Variants in BOLL observed in about 807,000 individuals in gnomAD.
BOLL encodes the protein boule RNA binding protein, also known as protein boule-like.
A neutral mutation model predicts 44.4 loss-of-function variants in BOLL; 23 were observed. The ratio of observed to expected loss-of-function variants is 0.52; its 90% confidence interval spans 0.37 to 0.73. The LOEUF (loss-of-function observed/expected upper bound fraction) is 0.73. BOLL is among the 30% of genes least tolerant of loss of function. The probability of loss-of-function intolerance (pLI) is 0.00; values close to 1 mark genes in which losing one functional copy is unlikely to be tolerated. For missense variants in BOLL, 287 were observed against 338.3 expected, an observed-to-expected ratio of 0.85 and a Z score of 1.19; for synonymous variants, 97 against 110.8, an observed-to-expected ratio of 0.88 and a Z score of 0.78.
chr2:197,743,598 G>A (rs1048015862), intron 9 of BOLL, among the ~76,000 whole-genome samples: 1 of 152,118 alleles, frequency 6.6e-6, no homozygotes, highest in East Asian at 1.9e-4. Flanking sequence ...TCTAGTAGAC[G>A]TATACTGTTG....
chr2:197,738,314 A>G (rs575444629), intron 10 of BOLL, among the ~76,000 whole-genome samples: 3 of 152,242 alleles, frequency 2.0e-5, no homozygotes, highest in Non-Finnish European at 4.4e-5. Flanking sequence ...CTCCTGGCTC[A>G]AGTGATCCTC....
At chr2:197,784,429 T>C (rs1689958118) in intron 1 of BOLL, among the ~76,000 whole-genome samples, 1 of 98,228 alleles carries the variant, frequency 1.0e-5, no homozygotes, top group Admixed American at 1.0e-4. Context: ...TATATATATA[T>C]ATATATATAT....
rs1686938080 is a variant in BOLL at position 197,728,242 on chromosome 2, C to T, written c.*313G>A. The T allele has an allele frequency of 2.4e-6, 1 of 415,752 alleles. No individual in the cohort carries two copies. Among genetic ancestry groups the T allele is most frequent in the Admixed American group, 4.1e-5 (1 of 24,592 alleles). 25.8% of individuals were successfully genotyped at this position (415,752 alleles called of 1,614,324 possible). ...CACAAAGCAGAGAAAATAAAAGACA[C>T]CTCACTATTCCCAATGTGGTTATTA... On this transcript the variant is annotated 3_prime_UTR_variant, in exon 11 of 11. Coordinates refer to ENST00000392296, the MANE Select transcript of BOLL (RefSeq NM_033030.6).
chr2:197,776,975 TG>T, intron 4 of BOLL, 83 bp downstream of exon 4: 1 of 1,077,018 alleles, frequency 9.3e-7, no homozygotes, highest in Non-Finnish European at 1.3e-6. Context: ...AAAAAGCAGT[TG>T]ATTATTGTAT....
chr2:197,778,148 T>A (rs1362642983), intron 3 of BOLL, among the ~76,000 whole-genome samples: 1 of 151,936 alleles, frequency 6.6e-6, no homozygotes, highest in Non-Finnish European at 1.5e-5. Context: ...TGTTTGGCAT[T>A]CTGAGGAAGT....
At chr2:197,763,269 T>A (rs1688841976) in intron 7 of BOLL, among the ~76,000 whole-genome samples, 2 of 151,882 alleles carry the variant, frequency 1.3e-5, no homozygotes, top group Non-Finnish European at 2.9e-5. Flanking sequence ...GATCACGAGG[T>A]CAGGAGATCG....
chr2:197,742,882 TA>T (rs1410457285), intron 10 of BOLL, among the ~76,000 whole-genome samples, 178 bp downstream of exon 10: 6 of 152,012 alleles, frequency 3.9e-5, no homozygotes, highest in African/African-American at 1.2e-4. Context: ...CCACAATAAA[TA>T]AAAAAGTTAA....
rs188217488 is a variant in BOLL, at chr2:197,757,583, T to A, written c.553-183A>T. Among the ~76,000 whole-genome samples the A allele has an allele frequency of 4.5e-3, 684 of 151,992 alleles. 2 individuals are homozygous for A. Among genetic ancestry groups the A allele is most frequent in the Non-Finnish European group, 7.7e-3 (525 of 67,914 alleles). ...TAAATGTAAGAGCTAAAATTATACA[T>A]CTCTTAGAAAAAAACATAGGTGTAA... On this transcript the variant is annotated intron_variant, in intron 7 of 10. Coordinates refer to ENST00000392296, the MANE Select transcript of BOLL (RefSeq NM_033030.6).
At chr2:197,758,143 T>C (rs1688599941) in intron 7 of BOLL, among the ~76,000 whole-genome samples, 1 of 152,216 alleles carries the variant, frequency 6.6e-6, no homozygotes, top group Non-Finnish European at 1.5e-5. Flanking sequence ...GCAATTCCAC[T>C]CTAGTTATAA....
chr2:197,743,218 C>A, intron 9 of BOLL, 59 bp from the exon 10 acceptor site: 1 of 1,289,782 alleles, frequency 7.8e-7, no homozygotes, highest in Non-Finnish European at 1.1e-6. Flanking sequence ...TAAATATTTA[C>A]TCAGCATTTA....
intron 3 of BOLL, among the ~76,000 whole-genome samples, chr2:197,778,503 T>G (rs551181326): frequency 6.6e-6 from 1 of 152,018 alleles, no homozygotes; most frequent in East Asian, 1.9e-4. Context: ...ATCATTGATA[T>G]AGCAATTAAA....
Position 197,756,456 on chromosome 2 carries a change from A to C in BOLL, c.701T>G (p.Leu234Arg), listed in dbSNP as rs761963473. 3 of 1,611,606 alleles carry C rather than the reference A, an allele frequency of 1.9e-6. No individual in the cohort carries two copies. Among genetic ancestry groups the C allele is most frequent in the Non-Finnish European group, 1.7e-6 (2 of 1,178,466 alleles). ...TGGAACTGAAGTTTCCATCAGAGAC[A>C]GTGGAGGAGGAACACATCCACCATC... ...AQDGGCVPPP[L>R]SLMETSVPEP... Residue 234 changes from leucine to arginine, a missense_variant, in exon 9 of 11, where the codon CTG (leucine) becomes CGG (arginine). Coordinates refer to ENST00000392296, the MANE Select transcript of BOLL (RefSeq NM_033030.6).
chr2:197,753,125 C>T (rs1434400692), intron 9 of BOLL, among the ~76,000 whole-genome samples: 1 of 152,198 alleles, frequency 6.6e-6, no homozygotes, highest in Non-Finnish European at 1.5e-5. Flanking sequence ...AACTGGACCT[C>T]TTCCTTACAC....
intron 1 of BOLL, among the ~76,000 whole-genome samples, chr2:197,783,546 A>G (rs1022028039): frequency 2.0e-5 from 3 of 152,342 alleles, no homozygotes; most frequent in Middle Eastern, 3.4e-3. Context: ...ATCCAGCCTT[A>G]AGGAAGTATG....
rs551659947 is a variant in BOLL, at chr2:197,757,412, TAAAAG to T, written c.553-17_553-13del. 681 of 1,604,842 alleles carry T rather than the reference TAAAAG, an allele frequency of 4.2e-4. 1 individual carries two copies. Among genetic ancestry groups the T allele is most frequent in the Middle Eastern group, 4.1e-3 (24 of 5,882 alleles). On this transcript the variant is annotated splice_polypyrimidine_tract_variant and intron_variant, in intron 7 of 10. Transcript: ENST00000392296. ...TACTGTGTGGTGGCCTAAAATTAAA[TAAAAG>T]AAAAGAAAAACCCATTCTGATTATA...
At chr2:197,755,905 A>T (rs1421590022) in intron 9 of BOLL, 1 of 152,254 alleles carries the variant, frequency 6.6e-6, no homozygotes, top group East Asian at 1.9e-4. Context: ...ATAATATAAA[A>T]TAAAAAATAT....
intron 9 of BOLL, among the ~76,000 whole-genome samples, chr2:197,749,677 G>T (rs552388968): frequency 2.6e-5 from 4 of 151,872 alleles, no homozygotes; most frequent in Non-Finnish European, 5.9e-5. Flanking sequence ...GTGAAGACAA[G>T]ATTAGAGAAA....
At chr2:197,777,008 T>G in intron 4 of BOLL, 51 bp downstream of exon 4, 2 of 1,403,688 alleles carry the variant, frequency 1.4e-6, no homozygotes, top group Non-Finnish European at 2.0e-6. Flanking sequence ...AAAGATTAGT[T>G]TCAAATACAA....
In BOLL at chr2:197,743,044, C is replaced by G; in HGVS notation, c.828+17G>C. On this transcript the variant is annotated intron_variant, in intron 10 of 10. Transcript: ENST00000392296. ...ATGGAAGAAAAACAAAGTAAAAAGTCAAAACAAATTTCTTACTTTAATTGG... is the reference window on the plus strand; with the variant it reads ...ATGGAAGAAAAACAAAGTAAAAAGTGAAAACAAATTTCTTACTTTAATTGG... 2 of 1,534,766 alleles carry G rather than the reference C, an allele frequency of 1.3e-6. No individual in the cohort carries two copies. Among genetic ancestry groups the G allele is most frequent in the African/African-American group, 2.8e-5 (2 of 71,968 alleles).
Sources: allele counts gnomAD v4.1 joint callset (sites outside exome capture counted in the v4.1 genomes callset), GRCh38; gene constraint gnomAD v4.1.1; transcripts MANE v1.5; gene names NCBI Gene and HGNC (gene_info 2026-07-23, HGNC 2026-07-21).